The following IFI27 variants were observed in gnomAD, a reference collection of about 807,000 sequenced individuals.
The protein encoded by IFI27 is interferon alpha inducible protein 27, also known as interferon alpha-inducible protein 27, mitochondrial.
Under a neutral mutation model 8.9 loss-of-function variants are expected in IFI27, and 3 were observed. The ratio of observed to expected loss-of-function variants is 0.34; its 90% CI spans 0.15 to 0.87. IFI27 has a LOEUF of 0.87. Among genes scored for constraint, IFI27 ranks in the 40% least tolerant of loss-of-function variants. The probability of loss-of-function intolerance (pLI) is 0.51; values close to 1 mark genes in which losing one functional copy is unlikely to be tolerated. For synonymous variants in IFI27, 66 were observed against 67.3 expected, an observed-to-expected ratio of 0.98 and a Z score of 0.09; for missense variants, 152 against 157.7, an observed-to-expected ratio of 0.96 and a Z score of 0.19.
chr14:94,106,340 G>A (rs202108429), upstream of IFI27, among the ~76,000 whole-genome samples: 1 of 152,346 alleles, frequency 6.6e-6, no homozygotes, highest in East Asian at 1.9e-4. Flanking sequence ...ATACCCAGAG[G>A]TGGGGTTTCT....
At chr14:94,115,609 C>A in intron 3 of IFI27, 172 bp from the exon 4 acceptor site, 2 of 668,732 alleles carry the variant, frequency 3.0e-6, no homozygotes, top group Non-Finnish European at 5.0e-6. Flanking sequence ...CTCTACTTTC[C>A]CCGCCTGGCT....
At chr14:94,112,645 C>T (rs1480193326) in intron 2 of IFI27, among the ~76,000 whole-genome samples, 3 of 152,262 alleles carry the variant, frequency 2.0e-5, no homozygotes, top group Admixed American at 6.5e-5. Context: ...CTGACCCCTG[C>T]CCCAACCTCT....
chr14:94,114,801 G>C, intron 2 of IFI27, 50 bp from the exon 3 acceptor site: 4 of 1,608,674 alleles, frequency 2.5e-6, no homozygotes, highest in Non-Finnish European at 3.4e-6. Context: ...TTAGAAAGTG[G>C]AGGGGAAGCC....
At chr14:94,108,100 G>A (rs749597244), upstream of IFI27, among the ~76,000 whole-genome samples, 2 of 152,094 alleles carry the variant, frequency 1.3e-5, no homozygotes, top group Non-Finnish European at 2.9e-5. Flanking sequence ...TTGATTTTCT[G>A]TACTTGTGAT....
At chr14:94,107,397 G>A (rs138798015), upstream of IFI27, among the ~76,000 whole-genome samples, 1,145 of 152,196 alleles carry the variant, frequency 7.5e-3, 16 homozygotes, top group African/African-American at 0.026. Context: ...TGGGTTATTC[G>A]ATTTTTTGTT....
Position 94,111,618 on chromosome 14 carries a change from T to G in IFI27, c.-58-7T>G. 1 of 1,358,050 alleles carries G rather than the reference T, an allele frequency of 7.4e-7. No individual in the cohort carries two copies. The highest frequency in any genetic ancestry group is 1.1e-6 in the Non-Finnish European group (1 of 948,328). 84.1% of individuals were successfully genotyped at this position (1,358,050 alleles called of 1,614,324 possible). On this transcript the variant is annotated splice_polypyrimidine_tract_variant and splice_region_variant and intron_variant, in intron 1 of 4. Coordinates refer to ENST00000621160, the Ensembl canonical transcript of IFI27. This position sits in a 1 kb window ranked among gnomAD's most constrained non-coding sequence, Gnocchi z 4.3. ...ATCCCGTCCTCAGAGCTCCATCCCT[T>G]CGGCAGGTCTGGCTGAAGTTGAGGA...
upstream of IFI27, among the ~76,000 whole-genome samples, chr14:94,109,373 C>CA (rs1887077929): frequency 7.1e-6 from 1 of 140,850 alleles, no homozygotes; most frequent in African/African-American, 2.7e-5. Flanking sequence ...CAGAGAAGGG[C>CA]AGGGAAGGGC....
chr14:94,115,212 G>T (rs893661661), intron 3 of IFI27: 2 of 630,692 alleles, frequency 3.2e-6, no homozygotes, highest in East Asian at 3.3e-5. Flanking sequence ...GAAAAGGCTG[G>T]TAATGCCCAT....
chr14:94,115,821 G>C (rs764721597), exon 4 of IFI27: 2 of 1,607,426 alleles, frequency 1.2e-6, no homozygotes, highest in Admixed American at 3.4e-5. Context: ...TCAGTGCCAT[G>C]GGCTTCACTG....
At chr14:94,114,761 C>A in intron 2 of IFI27, 90 bp from the exon 3 acceptor site, 1 of 1,422,620 alleles carries the variant, frequency 7.0e-7, no homozygotes, top group Non-Finnish European at 9.9e-7. Flanking sequence ...CTGGGGCAGC[C>A]CCCTGCCTCC....
upstream of IFI27, among the ~76,000 whole-genome samples, chr14:94,107,109 G>T (rs965818230): frequency 1.3e-5 from 2 of 151,808 alleles, no homozygotes; most frequent in East Asian, 3.9e-4. Flanking sequence ...CACTCTTCTT[G>T]CCCAGGCTGG....
At chr14:94,112,933 T>A (rs896064982) in intron 2 of IFI27, 1 of 152,270 alleles carries the variant, frequency 6.6e-6, no homozygotes, top group African/African-American at 2.4e-5. Context: ...GAAATGCAGA[T>A]GACTTCTCAG....
upstream of IFI27, among the ~76,000 whole-genome samples, chr14:94,109,021 C>T (rs1030519997): frequency 5.3e-5 from 8 of 152,036 alleles, no homozygotes; most frequent in African/African-American, 1.7e-4. Flanking sequence ...ATCCCACAGC[C>T]GAAAGCTCAC....
At chr14:94,106,260 T>G (rs1303470184), upstream of IFI27, among the ~76,000 whole-genome samples, 14 of 152,248 alleles carry the variant, frequency 9.2e-5, no homozygotes, top group Admixed American at 9.2e-4. Context: ...TTTGGGGTTA[T>G]GATTTTAACG....
Position 94,116,668 on chromosome 14 carries a change from G to T in IFI27, c.*141G>T, listed in dbSNP as rs948155234. 6 of 657,172 alleles carry T rather than the reference G, an allele frequency of 9.1e-6. No individual in the cohort carries two copies. Among genetic ancestry groups the T allele is most frequent in the African/African-American group, 7.3e-5 (4 of 55,142 alleles). The allele number at this position is 657,172 out of a possible 1,614,324, so 40.7% of individuals were successfully genotyped here. ...ATTCTGCATCTCCAGAGGAAAATAA[G>T]AAATAAAGATGAATTGTTGCAACTC... On this transcript the variant is annotated 3_prime_UTR_variant, in exon 5 of 5. Transcript: ENST00000621160. The surrounding 1 kb of genome is among the most constrained non-coding windows in gnomAD (Gnocchi z 4.3).
upstream of IFI27, among the ~76,000 whole-genome samples, chr14:94,106,602 G>T (rs1199987506): frequency 6.6e-6 from 1 of 152,102 alleles, no homozygotes; most frequent in Non-Finnish European, 1.5e-5. Context: ...TTGGCCATTT[G>T]TATATCATAT....
In IFI27 at chr14:94,111,670, A is replaced by AACC. The variant is rs1263061502; in HGVS notation, c.-12_-10dup. The AACC allele has an allele frequency of 1.2e-6, 2 of 1,611,936 alleles. No homozygotes were observed. Among genetic ancestry groups the AACC allele is most frequent in the African/African-American group, 2.7e-5 (2 of 74,894 alleles). On this transcript the variant is annotated 5_prime_UTR_variant, in exon 2 of 5. Coordinates refer to ENST00000621160, the Ensembl canonical transcript of IFI27. The surrounding 1 kb of genome is among the most constrained non-coding windows in gnomAD (Gnocchi z 4.3). ...CTCTTACTCTCTAGGCCACGGAATT[A>AACC]ACCCGAGCAGGCATGGAGGCCTCTG...
At position 94,115,761 on chromosome 14, in the gene IFI27, C is replaced by T. The variant is rs1490702460; in HGVS notation, c.122-20C>T. Reference sequence around the variant, plus strand: ...GTCCCTTCTGAGCCCACGCACCGACCCAGCTCCTCTTCCCTGCAGTTGTGG... The same window carrying T: ...GTCCCTTCTGAGCCCACGCACCGACTCAGCTCCTCTTCCCTGCAGTTGTGG... On this transcript the variant is annotated intron_variant, in intron 3 of 4. Transcript: ENST00000621160. The T allele has an allele frequency of 2.5e-6, 4 of 1,601,274 alleles. No individual in the cohort carries two copies. Among genetic ancestry groups the T allele is most frequent in the African/African-American group, 2.7e-5 (2 of 74,318 alleles).
At chr14:94,114,623 G>A (rs1419400903) in intron 2 of IFI27, 4 of 563,188 alleles carry the variant, frequency 7.1e-6, no homozygotes, top group South Asian at 2.5e-5. Flanking sequence ...TCAGGGCCAC[G>A]TAAATTCATT....
Sources: allele counts gnomAD v4.1 joint callset (sites outside exome capture counted in the v4.1 genomes callset), GRCh38; gene constraint gnomAD v4.1.1; non-coding constraint Gnocchi (gnomAD v3.1); transcripts MANE v1.5; gene names NCBI Gene and HGNC (gene_info 2026-07-23, HGNC 2026-07-21).